The following R3HDM1 variants were observed in gnomAD, a reference collection of about 807,000 sequenced individuals.
R3HDM1 encodes the protein R3H domain-containing protein 1.
In R3HDM1, 46 loss-of-function variants were observed where a neutral mutation model predicts 141.1. That is an observed-to-expected ratio of 0.33 (90% CI 0.26 to 0.42). The LOEUF (loss-of-function observed/expected upper bound fraction) is 0.42, where lower values mean the gene tolerates loss of function less well. Ranked by LOEUF, R3HDM1 falls within the 10% of genes least tolerant of loss-of-function variation. R3HDM1 has a pLI of 1.00. For synonymous variants in R3HDM1, 435 were observed against 472.9 expected, an observed-to-expected ratio of 0.92 and a Z score of 1.04; for missense variants, 1,184 against 1,368.3, an observed-to-expected ratio of 0.87 and a Z score of 2.12.
intron 1 of R3HDM1, among the ~76,000 whole-genome samples, chr2:135,598,364 C>CACACACAAAAA (rs1443528457): frequency 6.6e-6 from 1 of 152,158 alleles, no homozygotes; most frequent in Non-Finnish European, 1.5e-5. Context: ...TCTTCTTGTA[C>CACACACAAAAA]ACACACAAAA....
Position 135,710,125 on chromosome 2 carries a change from A to T in R3HDM1, c.2630A>T (p.Gln877Leu). 6.2e-7 allele frequency: 1 copy of T among 1,614,158 alleles called. No homozygotes were observed. Among genetic ancestry groups the T allele is most frequent in the Non-Finnish European group, 8.5e-7 (1 of 1,180,004 alleles). Residue 877 changes from glutamine to leucine, a missense_variant, in exon 23 of 27, where the codon CAA becomes CTA. By Grantham distance (113) the Gln-to-Leu change is moderately radical. Around this residue, in one of 5 missense-constraint regions of R3HDM1, gnomAD observed 563 missense variants for 562.0 expected, o/e 1.00. Transcript: ENST00000683871. Reference sequence around the variant, plus strand: ...CAGCTCAGTGTACCAAACAATCCACAATCTTGTGCCCACTCACCCCCGCAG... The same window carrying T: ...CAGCTCAGTGTACCAAACAATCCACTATCTTGTGCCCACTCACCCCCGCAG... ...MMQLSVPNNP[Q>L]SCAHSPPQWK... is the part of the protein sequence containing the mutation.
intron 16 of R3HDM1, among the ~76,000 whole-genome samples, chr2:135,648,907 G>GTACTATCTT (rs60222350): frequency 0.039 from 5,905 of 151,254 alleles, 396 homozygotes; most frequent in African/African-American, 0.14. Context: ...CTCCTAACAT[G>GTACTATCTT]TACTATCTTA....
At chr2:135,536,407 A>T in intron 1 of R3HDM1, 1 of 395,478 alleles carries the variant, frequency 2.5e-6, no homozygotes, top group Non-Finnish European at 3.4e-6. Context: ...TTAGCCTGCC[A>T]AAGTGCTGGA....
At chr2:135,586,893 C>A (rs1708063801) in intron 1 of R3HDM1, 2 of 984,760 alleles carry the variant, frequency 2.0e-6, no homozygotes, top group South Asian at 9.4e-5. Flanking sequence ...TACTATATGG[C>A]TTGTTGAATT....
chr2:135,559,731 T>C (rs1166475690), intron 1 of R3HDM1, among the ~76,000 whole-genome samples: 2 of 152,238 alleles, frequency 1.3e-5, no homozygotes, highest in Non-Finnish European at 2.9e-5. Flanking sequence ...TTGTCTCTTA[T>C]CACTAGTTGA....
intron 1 of R3HDM1, among the ~76,000 whole-genome samples, chr2:135,557,087 A>G (rs1700925153): frequency 6.6e-6 from 1 of 152,124 alleles, no homozygotes; most frequent in African/African-American, 2.4e-5. Flanking sequence ...GTGGGATCTT[A>G]CTGCCTTTTT....
chr2:135,569,491 A>G (rs1703564675), intron 1 of R3HDM1, among the ~76,000 whole-genome samples: 1 of 152,098 alleles, frequency 6.6e-6, no homozygotes, highest in South Asian at 2.1e-4. Flanking sequence ...TAAAAAAAAA[A>G]AAATTCATAA....
At position 135,602,576 on chromosome 2, in the gene R3HDM1, G is replaced by T; in HGVS notation, c.-173G>T. On this transcript the variant is annotated 5_prime_UTR_variant, in exon 2 of 27. The change abolishes an upstream ATG in the 5' untranslated region. Transcript: ENST00000683871. The stretch of plus-strand genomic sequence containing the variant: ...GAATCTACAGTGGTGACAAGGACAT[G>T]GGACTCCTCCTGCCAGATTACAGAT... 2 of 1,532,816 alleles carry T rather than the reference G, an allele frequency of 1.3e-6. No individual in the cohort carries two copies. The highest frequency in any genetic ancestry group is 1.8e-6 in the Non-Finnish European group (2 of 1,140,716). The allele number at this position is 1,532,816 out of a possible 1,614,324, so 95.0% of individuals were successfully genotyped here. A position where few individuals can be genotyped will look rare whatever the true frequency, so the allele number is the denominator to read the frequency against.
At chr2:135,586,689 G>A in intron 1 of R3HDM1, 1 of 985,216 alleles carries the variant, frequency 1.0e-6, no homozygotes, top group Non-Finnish European at 1.2e-6. Context: ...GTTTAGGTTG[G>A]TGGAGTGAAA....
At chr2:135,632,328 TAAAA>T (rs11335011) in intron 9 of R3HDM1, among the ~76,000 whole-genome samples, 1 of 135,866 alleles carries the variant, frequency 7.4e-6, no homozygotes, top group South Asian at 2.3e-4. Flanking sequence ...TAGTCAAATT[TAAAA>T]AAAAAAAAAA....
intron 1 of R3HDM1, among the ~76,000 whole-genome samples, chr2:135,568,258 G>A (rs1361391736): frequency 1.3e-5 from 2 of 151,944 alleles, no homozygotes; most frequent in Non-Finnish European, 2.9e-5. Context: ...ATGTTGCCCA[G>A]GCTGGTCTCA....
intron 7 of R3HDM1, chr2:135,623,000 A>T (rs1326574895): frequency 1.0e-6 from 1 of 981,810 alleles, no homozygotes; most frequent in African/African-American, 1.7e-5. Flanking sequence ...TGAGTTAGAC[A>T]TATACCATTA....
intron 9 of R3HDM1, among the ~76,000 whole-genome samples, chr2:135,632,328 T>TAAA (rs11335011): frequency 7.4e-6 from 1 of 135,868 alleles, no homozygotes. Context: ...TAGTCAAATT[T>TAAA]AAAAAAAAAA....
intron 24 of R3HDM1, among the ~76,000 whole-genome samples, chr2:135,716,579 T>G (rs1023865440): frequency 3.3e-5 from 5 of 152,216 alleles, no homozygotes; most frequent in African/African-American, 9.6e-5. Context: ...AACCTAACTC[T>G]GTACATCAAT....
intron 23 of R3HDM1, among the ~76,000 whole-genome samples, chr2:135,712,428 AT>A (rs34713048): frequency 0.47 from 48,569 of 104,216 alleles, 13,347 homozygotes; most frequent in Non-Finnish European, 0.66. Flanking sequence ...TGCCCAACTA[AT>A]TTTTTTTTTT....
chr2:135,684,392 C>T (rs1334612830), intron 21 of R3HDM1, among the ~76,000 whole-genome samples: 1 of 152,008 alleles, frequency 6.6e-6, no homozygotes, highest in Non-Finnish European at 1.5e-5. Context: ...CCCAGCCGAA[C>T]ATATTTCTTA....
intron 1 of R3HDM1, among the ~76,000 whole-genome samples, chr2:135,595,453 C>T (rs1292179806): frequency 6.6e-6 from 1 of 152,004 alleles, no homozygotes; most frequent in Admixed American, 6.5e-5. Flanking sequence ...CATATCTTAA[C>T]TCTACCCCTT....
chr2:135,541,015 A>G (rs1697361172), intron 1 of R3HDM1, among the ~76,000 whole-genome samples: 2 of 152,106 alleles, frequency 1.3e-5, no homozygotes, highest in Admixed American at 1.3e-4. Context: ...TCTGAGCAGT[A>G]GGTGTCAACA....
chr2:135,596,030 G>A (rs1217725812), intron 1 of R3HDM1, among the ~76,000 whole-genome samples: 1 of 151,948 alleles, frequency 6.6e-6, no homozygotes. Context: ...AGGGAGTCTC[G>A]TTCTGTCGCC....
Sources: gnomAD v4.1 joint callset for allele counts (sites outside exome capture counted in the v4.1 genomes callset) on GRCh38, gnomAD v4.1.1 for gene constraint, gnomAD v4.1.1 regional missense constraint, MANE v1.5 for transcripts, NCBI Gene and HGNC (gene_info 2026-07-23, HGNC 2026-07-21) for gene names.